The following LARGE1 variants were observed in gnomAD, a reference collection of about 807,000 sequenced individuals.
LARGE1 encodes the protein xylosyl- and glucuronyltransferase LARGE1.
A neutral mutation model predicts 87.6 loss-of-function variants in LARGE1; 43 were observed. The observed-to-expected ratio is 0.49, with a 90% CI of 0.38 to 0.63. The LOEUF (loss-of-function observed/expected upper bound fraction) is 0.63, where lower values mean the gene tolerates loss of function less well. LARGE1 is among the 30% of genes least tolerant of loss of function. The pLI is 0.00. For synonymous variants in LARGE1, 434 were observed against 394.6 expected, an observed-to-expected ratio of 1.10 and a Z score of -1.18; for missense variants, 802 against 1,000.2, an observed-to-expected ratio of 0.80 and a Z score of 2.67.
chr22:33,881,192 T>A (rs545426784), intron 1 of LARGE1, among the ~76,000 whole-genome samples: 1 of 152,254 alleles, frequency 6.6e-6, no homozygotes, highest in East Asian at 1.9e-4. Flanking sequence ...CAGAACACAG[T>A]TACGAGCCCC....
At chr22:33,306,910 A>G (rs896805755) in intron 11 of LARGE1, among the ~76,000 whole-genome samples, 7 of 152,076 alleles carry the variant, frequency 4.6e-5, no homozygotes, top group Non-Finnish European at 7.4e-5. Flanking sequence ...GGTTCTCAGA[A>G]GGTGCTGTGC....
At chr22:33,514,851 A>C (rs776222054) in intron 6 of LARGE1, among the ~76,000 whole-genome samples, 1 of 152,190 alleles carries the variant, frequency 6.6e-6, no homozygotes, top group Non-Finnish European at 1.5e-5. Context: ...AGAAGGGGAC[A>C]GCCAAGGCCC....
At position 33,266,483 on chromosome 22, in the gene LARGE1, C is replaced by T. The variant is rs1019603850; in HGVS notation, c.1730+37746G>A. On this transcript the variant is annotated intron_variant, in intron 11 of 11. Coordinates refer to the LARGE1 transcript ENST00000608642. ...AGCTGGTCTGCCTGCCTCGGCCTCC[C>T]GAAGTGCTGGGATTACAGGCATGAG... Among the ~76,000 whole-genome samples the T allele has an allele frequency of 4.6e-4, 70 of 151,758 alleles. 2 individuals are homozygous for T. Among genetic ancestry groups the T allele is most frequent in the Middle Eastern group, 3.4e-3 (1 of 294 alleles).
intron 2 of LARGE1, among the ~76,000 whole-genome samples, chr22:33,749,971 C>G (rs1031727491): frequency 6.6e-6 from 1 of 152,116 alleles, no homozygotes; most frequent in African/African-American, 2.4e-5. Flanking sequence ...AACGGTACAA[C>G]GTCCCTGAGC....
chr22:33,776,673 A>G (rs1287213736), intron 1 of LARGE1, among the ~76,000 whole-genome samples: 1 of 152,208 alleles, frequency 6.6e-6, no homozygotes, highest in Non-Finnish European at 1.5e-5. Context: ...GCAAATACAC[A>G]TAAGCATTTC....
chr22:33,807,190 T>C (rs2086339892), intron 1 of LARGE1, among the ~76,000 whole-genome samples: 1 of 152,162 alleles, frequency 6.6e-6, no homozygotes, highest in Non-Finnish European at 1.5e-5. Flanking sequence ...TGAGTTAATT[T>C]CTTAACTTCT....
chr22:33,282,836 G>A (rs965515155), intron 13 of LARGE1, among the ~76,000 whole-genome samples: 4 of 152,138 alleles, frequency 2.6e-5, no homozygotes, highest in Non-Finnish European at 4.4e-5. Context: ...ACGAATGAAT[G>A]GACAAGCACA....
intron 7 of LARGE1, among the ~76,000 whole-genome samples, chr22:33,391,792 C>T (rs1457842443): frequency 1.7e-5 from 2 of 118,842 alleles, no homozygotes; most frequent in Non-Finnish European, 3.3e-5. Context: ...TTTTTTGAGA[C>T]GGAGTCTTGC....
the LARGE1 span, among the ~76,000 whole-genome samples, chr22:33,114,704 G>C: frequency 6.6e-6 from 1 of 152,196 alleles, no homozygotes; most frequent in Non-Finnish European, 1.5e-5. Flanking sequence ...TTGGCAGATA[G>C]TGGCTCTGTG....
chr22:33,408,655 G>C (rs1221792360), intron 7 of LARGE1, among the ~76,000 whole-genome samples: 1 of 150,042 alleles, frequency 6.7e-6, no homozygotes, highest in Non-Finnish European at 1.5e-5. Context: ...ACTGCAATTA[G>C]AATTTCATAT....
At chr22:33,403,087 T>G (rs1455826078) in intron 7 of LARGE1, among the ~76,000 whole-genome samples, 3 of 152,166 alleles carry the variant, frequency 2.0e-5, no homozygotes, top group African/African-American at 7.2e-5. Context: ...TACTACATAG[T>G]ACAATCTACA....
intron 2 of LARGE1, among the ~76,000 whole-genome samples, chr22:33,711,048 A>G (rs2082716688): frequency 6.6e-6 from 1 of 152,132 alleles, no homozygotes; most frequent in Non-Finnish European, 1.5e-5. Flanking sequence ...TGCTGGATAT[A>G]GATCCCAAGC....
At chr22:33,908,812 C>T (rs2065535138) in intron 1 of LARGE1, among the ~76,000 whole-genome samples, 1 of 152,148 alleles carries the variant, frequency 6.6e-6, no homozygotes. Flanking sequence ...GTACCGTAAT[C>T]TCAAAGCAAG....
downstream of LARGE1, among the ~76,000 whole-genome samples, chr22:33,267,915 A>G (rs2145769462): frequency 1.3e-5 from 2 of 151,648 alleles, no homozygotes; most frequent in South Asian, 4.1e-4. Flanking sequence ...TGGAATATTA[A>G]TGAGCTAGAT....
At chr22:33,291,598 G>A (rs1278605701) in intron 12 of LARGE1, among the ~76,000 whole-genome samples, 9 of 151,126 alleles carry the variant, frequency 6.0e-5, no homozygotes, top group African/African-American at 2.2e-4. Flanking sequence ...AATGCATAAT[G>A]TATTCATTAC....
intron 3 of LARGE1, among the ~76,000 whole-genome samples, chr22:33,647,821 C>T (rs2080666879): frequency 6.6e-6 from 1 of 151,952 alleles, no homozygotes; most frequent in Non-Finnish European, 1.5e-5. Context: ...GCAGTGGCAC[C>T]ATCTCGGCTC....
chr22:33,911,571 T>C (rs2065638966), intron 1 of LARGE1, among the ~76,000 whole-genome samples: 1 of 152,188 alleles, frequency 6.6e-6, no homozygotes, highest in African/African-American at 2.4e-5. Flanking sequence ...TCGTCATCCA[T>C]GCTGGACAAC....
chr22:33,894,869 G>C (rs995532100), intron 1 of LARGE1, among the ~76,000 whole-genome samples: 1 of 152,188 alleles, frequency 6.6e-6, no homozygotes, highest in Non-Finnish European at 1.5e-5. Flanking sequence ...CTCAAAAAAT[G>C]GCAGTGGCAC....
intron 11 of LARGE1, among the ~76,000 whole-genome samples, chr22:33,251,817 G>A (rs1006408849): frequency 1.7e-4 from 26 of 152,144 alleles, no homozygotes; most frequent in African/African-American, 5.8e-4. Flanking sequence ...TGCCTGGCTC[G>A]TAAAGAAGTG....
Sources: allele counts gnomAD v4.1 joint callset (sites outside exome capture counted in the v4.1 genomes callset), GRCh38; gene constraint gnomAD v4.1.1; transcripts MANE v1.5; gene names NCBI Gene and HGNC (gene_info 2026-07-23, HGNC 2026-07-21).